Variants in ZNF282 observed in about 807,000 individuals in gnomAD.
ZNF282 encodes the protein HTLV-I U5 repressive element-binding protein 1.
In ZNF282, 30 loss-of-function variants were observed where a neutral mutation model predicts 61.9. The ratio of observed to expected loss-of-function variants is 0.48; its 90% CI spans 0.36 to 0.66. The LOEUF is 0.66. Among genes scored for constraint, ZNF282 ranks in the 30% least tolerant of loss-of-function variants. The pLI, the probability that ZNF282 is intolerant of heterozygous loss-of-function variation, is 0.00. For synonymous variants in ZNF282, 396 were observed against 405.0 expected, an observed-to-expected ratio of 0.98 and a Z score of 0.27; for missense variants, 788 against 941.4, an observed-to-expected ratio of 0.84 and a Z score of 2.13.
intron 1 of ZNF282, among the ~76,000 whole-genome samples, chr7:149,196,976 C>T (rs1795827102): frequency 6.6e-6 from 1 of 152,182 alleles, no homozygotes; most frequent in Non-Finnish European, 1.5e-5. Flanking sequence ...GCCTTTTCTG[C>T]AGCCATCGGG....
chr7:149,213,987 T>C (rs570166443), intron 7 of ZNF282, among the ~76,000 whole-genome samples, 173 bp downstream of exon 7: 2 of 152,288 alleles, frequency 1.3e-5, no homozygotes, highest in Non-Finnish European at 2.9e-5. Context: ...GAGTGTGATA[T>C]TGTATTAGCT....
intron 2 of ZNF282, among the ~76,000 whole-genome samples, chr7:149,200,161 G>A (rs947752247): frequency 6.6e-5 from 10 of 152,012 alleles, no homozygotes; most frequent in African/African-American, 1.9e-4. Flanking sequence ...TTTGCATCTC[G>A]CTGTCTGGAT....
In ZNF282 at chr7:149,195,731, G is replaced by A; in HGVS notation, c.142G>A (p.Ala48Thr). The A allele has an allele frequency of 6.5e-7, 1 of 1,536,182 alleles. No homozygotes were observed. Among genetic ancestry groups the A allele is most frequent in the Non-Finnish European group, 8.8e-7 (1 of 1,142,180 alleles). Residue 48 changes from alanine to threonine, a missense_variant, in exon 1 of 8, where the codon GCC becomes ACC. Ala to Thr is a moderately conservative substitution (Grantham distance 58). Coordinates refer to ENST00000610704, the MANE Select transcript of ZNF282 (RefSeq NM_003575.4). The stretch of plus-strand genomic sequence containing the variant: ...GGAGCCGGCGCTGCGCGGGGAAATG[G>A]CCGAGGGAATGCCGCCCATGCAGGT... ...HQEPALRGEM[A>T]EGMPPMQAQE...
At position 149,225,116 on chromosome 7, in the gene ZNF282, TTAAG is replaced by T; in HGVS notation, c.*471_*474del. On this transcript the variant is annotated 3_prime_UTR_variant, in exon 8 of 8. Coordinates refer to ENST00000610704, the MANE Select transcript of ZNF282 (RefSeq NM_003575.4). ...CGTTTCAATAGCGCTTTATACTTTT[TTAAG>T]TGTTTTCTATCCGTTATCCATTTCA... The T allele has an allele frequency of 6.0e-6, 1 of 167,038 alleles. No individual in the cohort carries two copies. Among genetic ancestry groups the T allele is most frequent in the Non-Finnish European group, 1.3e-5 (1 of 76,454 alleles). The allele number at this position is 167,038 out of a possible 1,614,324, so 10.3% of individuals were successfully genotyped here. A position where few individuals can be genotyped will look rare whatever the true frequency, so the allele number is the denominator to read the frequency against.
At chr7:149,207,818 G>C (rs989563408) in intron 4 of ZNF282, among the ~76,000 whole-genome samples, 1 of 152,212 alleles carries the variant, frequency 6.6e-6, no homozygotes, top group African/African-American at 2.4e-5. Context: ...AGGAGTCTGC[G>C]GCGCATGTGG....
chr7:149,209,904 A>C (rs1218011641), intron 4 of ZNF282, among the ~76,000 whole-genome samples: 1 of 152,200 alleles, frequency 6.6e-6, no homozygotes, highest in Non-Finnish European at 1.5e-5. Context: ...AAAGTGACAT[A>C]TAACACAACC....
chr7:149,213,390 G>T (rs1216276051), intron 6 of ZNF282, among the ~76,000 whole-genome samples: 1 of 152,154 alleles, frequency 6.6e-6, no homozygotes, highest in Non-Finnish European at 1.5e-5. Flanking sequence ...CTTTCTTCTG[G>T]CCTGTCCTGG....
intron 3 of ZNF282, 150 bp from the exon 4 acceptor site, chr7:149,207,201 C>CAAGGTTCTTCATCCG: frequency 1.0e-6 from 1 of 1,000,674 alleles, no homozygotes; most frequent in Non-Finnish European, 1.4e-6. Flanking sequence ...GACTCGTTTT[C>CAAGGTTCTTCATCCG]AGATTACCCG....
Position 149,210,672 on chromosome 7 carries a change from A to G in ZNF282, c.920A>G (p.Glu307Gly). The G allele has an allele frequency of 6.2e-7, 1 of 1,608,816 alleles. No individual in the cohort carries two copies. Among genetic ancestry groups the G allele is most frequent in the Non-Finnish European group, 8.5e-7 (1 of 1,178,296 alleles). ...TGTGTCCGGGGTCAGCGGGGCCTGG[A>G]GGAAAGAGCCATCCCTACGGAATCC... ...TLCVRGQRGL[E>G]ERAIPTESIT... The change falls in exon 5 of 8, where the codon GAG becomes GGG. Residue 307 changes from glutamate to glycine, a missense_variant. By Grantham distance (98) the Glu-to-Gly change is moderately conservative. Around this residue, in one of 3 missense-constraint regions of ZNF282, gnomAD observed 559 missense variants for 642.0 expected, o/e 0.87. Transcript: ENST00000610704.
chr7:149,224,798 C>T lies in ZNF282; in HGVS notation c.*151C>T, dbSNP rs1197021827. ...GTCCCCCAGGGTGGGGCAGGGATCC[C>T]CCAGATCTGTCTGGTCTGAATGGAC... On this transcript the variant is annotated 3_prime_UTR_variant, in exon 8 of 8. Transcript: ENST00000610704. 7 of 1,329,800 alleles carry T rather than the reference C, an allele frequency of 5.3e-6. No individual in the cohort carries two copies. The highest frequency in any genetic ancestry group is 2.5e-5 in the East Asian group (1 of 39,270). The allele number at this position is 1,329,800 out of a possible 1,614,324, so 82.4% of individuals were successfully genotyped here.
intron 4 of ZNF282, among the ~76,000 whole-genome samples, chr7:149,207,788 G>A (rs1796020294): frequency 6.6e-6 from 1 of 152,252 alleles, no homozygotes; most frequent in Non-Finnish European, 1.5e-5. Context: ...GGCTCAGAGA[G>A]GCTGACAGAG....
At chr7:149,213,455 C>T (rs1306813035) in intron 6 of ZNF282, among the ~76,000 whole-genome samples, 1 of 152,168 alleles carries the variant, frequency 6.6e-6, no homozygotes, top group African/African-American at 2.4e-5. Flanking sequence ...GGGTTTTAAT[C>T]CCGGCCCTGC....
In ZNF282 at chr7:149,224,400, A is replaced by G; in HGVS notation, c.1769A>G (p.Gln590Arg). 6.2e-7 allele frequency: 1 copy of G among 1,613,834 alleles called. No individual in the cohort carries two copies. Among genetic ancestry groups the G allele is most frequent in the Non-Finnish European group, 8.5e-7 (1 of 1,179,912 alleles). The change falls in exon 8 of 8, where the codon CAG (glutamine) becomes CGG (arginine). Residue 590 changes from glutamine to arginine, a missense_variant. Transcript: ENST00000610704. ...ACCTACAGCCGTAAGGAGCACCTGC[A>G]GAACCACCAGCGGCTGCACACGGGC... is the stretch of plus-strand genomic sequence containing the variant. ...EKTYSRKEHL[Q>R]NHQRLHTGER...
intron 7 of ZNF282, among the ~76,000 whole-genome samples, chr7:149,215,825 G>T (rs1796154029): frequency 6.6e-6 from 1 of 152,230 alleles, no homozygotes; most frequent in Non-Finnish European, 1.5e-5. Flanking sequence ...GGCTACCATT[G>T]CTAGCCCTGG....
chr7:149,211,576 C>A (rs1050748128), intron 5 of ZNF282, among the ~76,000 whole-genome samples: 1 of 152,148 alleles, frequency 6.6e-6, no homozygotes, highest in Admixed American at 6.5e-5. Flanking sequence ...TAATGTTTGA[C>A]CAAATATCTG....
Position 149,207,372 on chromosome 7 carries a change from A to T in ZNF282, c.734A>T (p.Lys245Met), listed in dbSNP as rs1796009539. 1 of 1,586,720 alleles carries T rather than the reference A, an allele frequency of 6.3e-7. No homozygotes were observed. ...MSLDAEGSVP[K>M]PDAPVQAEPR... ...CCAGACGCGGAGGGCTCAGTCCCCA[A>T]GCCAGATGCTCCAGTCCAGGCTGAG... is the stretch of plus-strand genomic sequence containing the variant. The change falls in exon 4 of 8, where the codon AAG becomes ATG. Residue 245 changes from lysine to methionine, a missense_variant. Physicochemically the swap from Lys to Met is moderately conservative, Grantham distance 95. Around this residue, in one of 3 missense-constraint regions of ZNF282, gnomAD observed 559 missense variants for 642.0 expected, o/e 0.87. Coordinates refer to ENST00000610704, the MANE Select transcript of ZNF282 (RefSeq NM_003575.4).
At chr7:149,219,035 G>T (rs1178087010) in intron 7 of ZNF282, among the ~76,000 whole-genome samples, 1 of 152,200 alleles carries the variant, frequency 6.6e-6, no homozygotes, top group Non-Finnish European at 1.5e-5. Context: ...CCGAGTTTCT[G>T]TTGGGGCTTC....
chr7:149,224,451 G>T lies in ZNF282; in HGVS notation c.1820G>T (p.Cys607Phe). ...TGERPFQCAL[C>F]GKSFIRKQNL... is the part of the protein sequence containing the mutation. ...GAGCGGCCTTTCCAATGTGCACTGT[G>T]CGGCAAGAGCTTCATCCGCAAGCAG... The change falls in exon 8 of 8, where the codon TGC (cysteine) becomes TTC (phenylalanine). Residue 607 changes from cysteine to phenylalanine, a missense_variant. By Grantham distance (205) the Cys-to-Phe change is radical. Transcript: ENST00000610704. 6.2e-7 allele frequency: 1 copy of T among 1,613,850 alleles called. No individual in the cohort carries two copies.
chr7:149,207,329 C>T (rs771928456), intron 3 of ZNF282, 22 bp from the exon 4 acceptor site: 3 of 1,582,628 alleles, frequency 1.9e-6, no homozygotes, highest in East Asian at 2.3e-5. Flanking sequence ...TCAGCCTTTC[C>T]CTCCCTCCTC....
Sources: allele counts gnomAD v4.1 joint callset (sites outside exome capture counted in the v4.1 genomes callset), GRCh38; gene constraint gnomAD v4.1.1; regional missense constraint gnomAD v4.1.1; transcripts MANE v1.5; gene names NCBI Gene and HGNC (gene_info 2026-07-23, HGNC 2026-07-21).